FER: variants seen among roughly 807,000 people sequenced by gnomAD.
FER encodes tyrosine-protein kinase Fer.
FER carries 63 observed loss-of-function variants against 111.0 expected under a neutral mutation model. That is an observed-to-expected ratio of 0.57 (90% CI 0.46 to 0.70). The LOEUF (loss-of-function observed/expected upper bound fraction) is 0.70, where lower values mean the gene tolerates loss of function less well. Among genes scored for constraint, FER ranks in the 30% least tolerant of loss-of-function variants. The pLI is 0.00. For synonymous variants in FER, 327 were observed against 313.9 expected (o/e 1.04, Z -0.44); for missense variants, 914 against 954.0 (o/e 0.96, Z 0.55).
chr5:108,862,550 C>T (rs1763630945), intron 5 of FER, among the ~76,000 whole-genome samples: 1 of 152,020 alleles, frequency 6.6e-6, no homozygotes, highest in Non-Finnish European at 1.5e-5. Flanking sequence ...GTTAATATAA[C>T]AAAATAAAAT....
chr5:108,860,863 G>A (rs1763448600), intron 5 of FER, among the ~76,000 whole-genome samples: 1 of 152,190 alleles, frequency 6.6e-6, no homozygotes, highest in African/African-American at 2.4e-5. Context: ...GGTGGAAGAG[G>A]AAGAGGCATG....
chr5:108,820,751 ATAT>A (rs1758753408), intron 3 of FER, among the ~76,000 whole-genome samples: 1 of 152,178 alleles, frequency 6.6e-6, no homozygotes. Context: ...CTTTGTCCAC[ATAT>A]TATTTTTGCT....
intron 11 of FER, among the ~76,000 whole-genome samples, chr5:108,951,126 C>T (rs1485932419): frequency 4.6e-5 from 7 of 151,790 alleles, no homozygotes; most frequent in African/African-American, 1.7e-4. Flanking sequence ...AAAAATTAAC[C>T]AGGTGGGGTG....
At chr5:109,182,508 C>G (rs1208463502) in intron 18 of FER, among the ~76,000 whole-genome samples, 1 of 152,116 alleles carries the variant, frequency 6.6e-6, no homozygotes, top group Non-Finnish European at 1.5e-5. Flanking sequence ...GGGGGATGAT[C>G]ACAGGATAAA....
intron 13 of FER, among the ~76,000 whole-genome samples, chr5:108,991,920 G>C (rs186622925): frequency 2.7e-5 from 4 of 149,220 alleles, no homozygotes; most frequent in Admixed American, 2.0e-4. Context: ...GGTGTTTCTC[G>C]CAGAGGGGGA....
intron 12 of FER, 62 bp downstream of exon 12, chr5:108,954,994 T>A: frequency 7.3e-7 from 1 of 1,368,334 alleles, no homozygotes; most frequent in Non-Finnish European, 1.0e-6. Flanking sequence ...ACAATTATAT[T>A]AAAATAACGA....
In FER at chr5:109,149,435, A is replaced by G. The variant is rs1268762135; in HGVS notation, c.2049-31312A>G. On this transcript the variant is annotated intron_variant, in intron 17 of 19. Coordinates refer to ENST00000281092, the MANE Select transcript of FER (RefSeq NM_005246.4). ...ACCTCTAATGGAAGAAAACTGCTCT[A>G]TTTGAGTCTTTATAAATCTTATGAG... Among the ~76,000 whole-genome samples the G allele has an allele frequency of 3.3e-5, 5 of 152,162 alleles. No individual in the cohort carries two copies. The East Asian group carries it at 7.7e-4, about 23-fold the overall frequency.
chr5:108,749,084 G>C (rs902475786), intron 1 of FER: 2 of 152,348 alleles, frequency 1.3e-5, no homozygotes, highest in Non-Finnish European at 2.9e-5. Flanking sequence ...AGCCTAGAGC[G>C]GGGGCAACAA....
At chr5:109,133,133 G>T (rs1752540120) in intron 17 of FER, among the ~76,000 whole-genome samples, 1 of 152,144 alleles carries the variant, frequency 6.6e-6, no homozygotes, top group African/African-American at 2.4e-5. Context: ...CTTGGGCAGA[G>T]GGTTATCTAG....
rs147986863 is a variant in FER, at chr5:108,977,739, C to T, written c.1656+18392C>T. On this transcript the variant is annotated intron_variant, in intron 13 of 19. Transcript: ENST00000281092. ...TCATGAATTCCTGTAACTTAAACCT[C>T]ATAATGGCTTTCAGATTTGTTACCT... is the stretch of plus-strand genomic sequence containing the variant. 1.0e-2 allele frequency among the ~76,000 whole-genome samples: 1,520 copies of T among 152,308 alleles called. 21 individuals are homozygous for T. The highest frequency in any genetic ancestry group is 0.035 in the African/African-American group (1,450 of 41,550).
chr5:109,190,005 T>A lies in FER; in HGVS notation c.*2430T>A, dbSNP rs1337031441. ...GTGGTATAGTTCAGGATTAATAACT[T>A]ATTGGGAGTCTCTCAGTCATATAGA... On this transcript the variant is annotated 3_prime_UTR_variant, in exon 20 of 20. Coordinates refer to ENST00000281092, the MANE Select transcript of FER (RefSeq NM_005246.4). 1 of 152,190 alleles carries A rather than the reference T, an allele frequency of 6.6e-6. No individual in the cohort carries two copies. The highest frequency in any genetic ancestry group is 1.5e-5 in the Non-Finnish European group (1 of 68,026). 9.4% of individuals were successfully genotyped at this position (152,190 alleles called of 1,614,324 possible). A position where few individuals can be genotyped will look rare whatever the true frequency, so the allele number is the denominator to read the frequency against.
At chr5:108,750,188 A>G (rs919320240) in intron 1 of FER, among the ~76,000 whole-genome samples, 5 of 152,248 alleles carry the variant, frequency 3.3e-5, no homozygotes, top group African/African-American at 1.2e-4. Context: ...TGGAACATCA[A>G]TAAGAGAATA....
intron 13 of FER, among the ~76,000 whole-genome samples, chr5:108,962,702 T>C (rs1285333390): frequency 2.0e-5 from 3 of 152,200 alleles, no homozygotes; most frequent in African/African-American, 7.2e-5. Flanking sequence ...ATTATCTCAT[T>C]TAACCTCACA....
At chr5:109,047,565 C>G (rs2149912967) in intron 16 of FER, among the ~76,000 whole-genome samples, 1 of 152,250 alleles carries the variant, frequency 6.6e-6, no homozygotes. Context: ...CCAAGTACAT[C>G]TCCACACAAC....
chr5:108,861,308 G>A (rs1287055448), intron 5 of FER, among the ~76,000 whole-genome samples: 4 of 152,130 alleles, frequency 2.6e-5, no homozygotes, highest in African/African-American at 7.2e-5. Context: ...TTAATGAGTA[G>A]TCTAGCCTTT....
rs1243915423 is a variant in FER, at chr5:108,768,115, A to G, written c.-183A>G. 1 of 152,192 alleles carries G rather than the reference A, an allele frequency of 6.6e-6. No homozygotes were observed. Among genetic ancestry groups the G allele is most frequent in the Non-Finnish European group, 1.5e-5 (1 of 68,052 alleles). The allele number at this position is 152,192 out of a possible 1,614,324, so 9.4% of individuals were successfully genotyped here. A position where few individuals can be genotyped will look rare whatever the true frequency, so the allele number is the denominator to read the frequency against. ...CAGCTCATGTTTTTTGGCTAGACCTATGACCATTTTCGCTAGACTTCACTG... is the reference window on the plus strand; with the variant it reads ...CAGCTCATGTTTTTTGGCTAGACCTGTGACCATTTTCGCTAGACTTCACTG... On this transcript the variant is annotated 5_prime_UTR_variant, in exon 2 of 20. An upstream start codon of the reference 5' UTR is lost. Transcript: ENST00000281092.
chr5:108,826,541 C>T (rs1184370146), intron 3 of FER, among the ~76,000 whole-genome samples: 2 of 152,210 alleles, frequency 1.3e-5, no homozygotes, highest in African/African-American at 4.8e-5. Flanking sequence ...GCATGGGCCT[C>T]TGCACCTGGA....
At chr5:109,155,598 T>C (rs1328906408) in intron 17 of FER, among the ~76,000 whole-genome samples, 1 of 151,976 alleles carries the variant, frequency 6.6e-6, no homozygotes, top group Non-Finnish European at 1.5e-5. Context: ...TCAACACTCA[T>C]GGAGAATAGA....
chr5:108,978,077 G>A (rs1198552826), intron 13 of FER, among the ~76,000 whole-genome samples: 1 of 152,144 alleles, frequency 6.6e-6, no homozygotes, highest in African/African-American at 2.4e-5. Context: ...GAACTCCTGA[G>A]CTCAAGCGTC....
Sources: allele counts gnomAD v4.1 joint callset (sites outside exome capture counted in the v4.1 genomes callset), GRCh38; gene constraint gnomAD v4.1.1; transcripts MANE v1.5; gene names NCBI Gene and HGNC (gene_info 2026-07-23, HGNC 2026-07-21).